NDRG1: variants seen among roughly 807,000 people sequenced by gnomAD.
NDRG1 encodes the protein protein NDRG1.
In NDRG1, 32 loss-of-function variants were observed where a neutral mutation model predicts 56.9. The observed-to-expected ratio is 0.56, with a 90% CI of 0.42 to 0.76. The LOEUF is 0.76. NDRG1 is among the 30% of genes least tolerant of loss of function. The pLI is 0.00. For synonymous variants in NDRG1, 211 were observed against 204.1 expected (o/e 1.03, Z -0.29); for missense variants, 507 against 545.7 (o/e 0.93, Z 0.71).
chr8:133,240,611 C>G (rs765060017), intron 15 of NDRG1: 1 of 152,196 alleles, frequency 6.6e-6, no homozygotes, highest in Non-Finnish European at 1.5e-5. Context: ...GGCCAGTGAC[C>G]GGTTCCTTTC....
chr8:133,241,596 G>A (rs962825862), intron 15 of NDRG1: 3 of 287,778 alleles, frequency 1.0e-5, no homozygotes, highest in Admixed American at 4.9e-5. Context: ...TGTCAAAGGA[G>A]TACTGTGATG....
chr8:133,280,258 C>G lies in NDRG1; in HGVS notation c.73G>C (p.Gly25Arg), dbSNP rs377527660. Reference sequence around the variant, plus strand: ...TGGACATCAAACTCTTGCAGGAGGCCGGTGATGGTCTGTGAAAAGACAAAA... The same window carrying G: ...TGGACATCAAACTCTTGCAGGAGGCGGGTGATGGTCTGTGAAAAGACAAAA... ...PLVEKGETIT[G>R]LLQEFDVQEQ... is the part of the protein sequence containing the mutation. Residue 25 changes from glycine (G) to arginine (R), a missense_variant, in exon 3 of 16, where the codon GGC (glycine) becomes CGC (arginine). By Grantham distance (125) the Gly-to-Arg change is moderately radical (BLOSUM62 -2). Coordinates refer to ENST00000323851, the MANE Select transcript of NDRG1 (RefSeq NM_006096.4). The G allele has an allele frequency of 1.1e-5, 18 of 1,613,896 alleles. No individual in the cohort carries two copies. The highest frequency in any genetic ancestry group is 1.5e-5 in the Non-Finnish European group (18 of 1,179,984).
At chr8:133,250,663 A>G (rs945528542) in intron 9 of NDRG1, 120 bp from the exon 10 acceptor site, 1 of 880,954 alleles carries the variant, frequency 1.1e-6, no homozygotes, top group Non-Finnish European at 1.9e-6. Flanking sequence ...CTAATCCACA[A>G]GACAGCGACG....
chr8:133,259,473 A>G lies in NDRG1; in HGVS notation c.327-243T>C, dbSNP rs1856556293. 8 of 565,976 alleles carry G rather than the reference A, an allele frequency of 1.4e-5. 1 individual carries two copies. In the South Asian group the frequency reaches 1.6e-4, roughly 11 times the overall value. The allele number at this position is 565,976 out of a possible 1,614,324, so 35.1% of individuals were successfully genotyped here. On this transcript the variant is annotated intron_variant, in intron 5 of 15. Transcript: ENST00000323851. ...GGAATTAGCTCATTCAATTTTCACAATAACTCTAGGAGGCTGCTAGGATTT... is the reference window on the plus strand; with the variant it reads ...GGAATTAGCTCATTCAATTTTCACAGTAACTCTAGGAGGCTGCTAGGATTT...
intron 3 of NDRG1, among the ~76,000 whole-genome samples, chr8:133,267,596 G>A (rs1267368574): frequency 6.6e-6 from 1 of 152,198 alleles, no homozygotes; most frequent in Non-Finnish European, 1.5e-5. Context: ...CATCTGCTGG[G>A]CCCAGCCCAG....
rs1240922446 is a variant in NDRG1, at chr8:133,237,604, G to C, written c.*1274C>G. On this transcript the variant is annotated 3_prime_UTR_variant, in exon 16 of 16. Coordinates refer to ENST00000323851, the MANE Select transcript of NDRG1 (RefSeq NM_006096.4). ...GGCGAAAGGTTAGGGAGCAGGAAAA[G>C]AGGAAGCAGGAGAGGGAAGGAAAGT... 2.6e-5 allele frequency: 6 copies of C among 233,120 alleles called. No homozygotes were observed. The highest frequency in any genetic ancestry group is 5.6e-5 in the Admixed American group (1 of 17,774). The allele number at this position is 233,120 out of a possible 1,614,324, so 14.4% of individuals were successfully genotyped here.
At chr8:133,259,586 T>C (rs1856561864) in intron 5 of NDRG1, 2 of 379,778 alleles carry the variant, frequency 5.3e-6, no homozygotes, top group Non-Finnish European at 1.0e-5. Flanking sequence ...GCCAGAAACA[T>C]GTCCTCACTG....
chr8:133,254,892 C>G (rs572853098), intron 8 of NDRG1: 1 of 436,992 alleles, frequency 2.3e-6, no homozygotes, highest in African/African-American at 2.0e-5. Flanking sequence ...GCTTACCCTG[C>G]TCCAAACATT....
chr8:133,275,460 G>A (rs901741248), intron 3 of NDRG1, among the ~76,000 whole-genome samples: 2 of 152,116 alleles, frequency 1.3e-5, no homozygotes, highest in African/African-American at 4.8e-5. Context: ...GCCTTTGCTT[G>A]TGCTGTTACC....
At chr8:133,284,854 AAC>A in intron 1 of NDRG1, 1 of 456,654 alleles carries the variant, frequency 2.2e-6, no homozygotes, top group Non-Finnish European at 4.4e-6. Context: ...CATGCGCGTG[AAC>A]ACACATACAC....
chr8:133,258,956 C>G lies in NDRG1; in HGVS notation c.389+212G>C, dbSNP rs141434756. 4.5e-4 allele frequency: 280 copies of G among 628,052 alleles called. 1 individual carries two copies. In the African/African-American group the frequency reaches 4.6e-3, roughly 10 times the overall value. The allele number at this position is 628,052 out of a possible 1,614,324, so 38.9% of individuals were successfully genotyped here. ...CTGCCATCATGCAATATAACATTCA[C>G]GCAAGAGGAAAACTGAAGTTAGAGG... On this transcript the variant is annotated intron_variant, in intron 6 of 15. Coordinates refer to ENST00000323851, the MANE Select transcript of NDRG1 (RefSeq NM_006096.4).
intron 2 of NDRG1, among the ~76,000 whole-genome samples, chr8:133,283,168 A>T (rs1226748611): frequency 6.6e-6 from 1 of 152,194 alleles, no homozygotes; most frequent in Non-Finnish European, 1.5e-5. Flanking sequence ...TAACCTCCCT[A>T]AGACCCAACT....
At chr8:133,291,650 A>G (rs577872787) in intron 1 of NDRG1, among the ~76,000 whole-genome samples, 1 of 152,316 alleles carries the variant, frequency 6.6e-6, no homozygotes, top group African/African-American at 2.4e-5. Flanking sequence ...GTATCAGAGC[A>G]ATCAGAATCA....
chr8:133,256,070 G>C (rs1856353005), intron 8 of NDRG1: 1 of 152,936 alleles, frequency 6.5e-6, no homozygotes, highest in African/African-American at 2.4e-5. Flanking sequence ...CAGGGGCACG[G>C]GTGGTCAGGT....
At chr8:133,293,244 T>C (rs1031182085) in intron 1 of NDRG1, among the ~76,000 whole-genome samples, 5 of 152,208 alleles carry the variant, frequency 3.3e-5, no homozygotes, top group Non-Finnish European at 7.3e-5. Flanking sequence ...AGCCTGCCTC[T>C]ATCTCCAAGT....
intron 9 of NDRG1, among the ~76,000 whole-genome samples, chr8:133,251,164 C>A (rs919355819): frequency 1.3e-5 from 2 of 152,190 alleles, no homozygotes; most frequent in African/African-American, 4.8e-5. Flanking sequence ...TTGGGGAAGT[C>A]GGCCTCAGCC....
intron 1 of NDRG1, among the ~76,000 whole-genome samples, chr8:133,287,996 GAC>G (rs1306365706): frequency 6.6e-6 from 1 of 151,880 alleles, no homozygotes; most frequent in East Asian, 1.9e-4. Context: ...CCCTCACACT[GAC>G]ACACTTGCAA....
rs1373525312 is a variant in NDRG1, at chr8:133,280,214, G to C, written c.99+18C>G. On this transcript the variant is annotated intron_variant, in intron 3 of 15. Transcript: ENST00000323851. ...GACGGGATGAGGAAGGGGAAGGAAA[G>C]CCACATCCTCTACTTGCCTGGACAT... 3 of 1,613,756 alleles carry C rather than the reference G, an allele frequency of 1.9e-6. No individual in the cohort carries two copies. The highest frequency in any genetic ancestry group is 2.5e-6 in the Non-Finnish European group (3 of 1,179,644).
chr8:133,279,529 C>T (rs1857660329), intron 3 of NDRG1, among the ~76,000 whole-genome samples: 1 of 152,232 alleles, frequency 6.6e-6, no homozygotes, highest in African/African-American at 2.4e-5. Flanking sequence ...CAGGTGAGAA[C>T]ACCTCAGCCA....
Sources: gnomAD v4.1 joint callset for allele counts (sites outside exome capture counted in the v4.1 genomes callset) on GRCh38, gnomAD v4.1.1 for gene constraint, MANE v1.5 for transcripts, NCBI Gene and HGNC (gene_info 2026-07-23, HGNC 2026-07-21) for gene names.